COG6: variants seen among roughly 807,000 people sequenced by gnomAD.
COG6 encodes conserved oligomeric Golgi complex subunit 6.
A neutral mutation model predicts 88.8 loss-of-function variants in COG6; 74 were observed. The ratio of observed to expected loss-of-function variants is 0.83; its 90% CI spans 0.69 to 1.01. COG6 has a LOEUF of 1.01. Ranked by LOEUF, COG6 falls within the 50% of genes least tolerant of loss-of-function variation. The pLI is 0.00. For synonymous variants in COG6, 286 were observed against 278.7 expected (o/e 1.03, Z -0.26); for missense variants, 800 against 797.9 (o/e 1.00, Z -0.03).
intron 13 of COG6, among the ~76,000 whole-genome samples, chr13:39,713,431 GACTTCAAAAGAAATATAGACTT>G (rs1878349811): frequency 6.6e-6 from 1 of 152,046 alleles, no homozygotes; most frequent in South Asian, 2.1e-4. Flanking sequence ...GCATTGGAGG[GACTTCAAAAGAAATATAGACTT>G]GGCCAGGTGC....
chr13:39,691,040 A>T (rs1876949114), intron 11 of COG6, among the ~76,000 whole-genome samples: 1 of 151,828 alleles, frequency 6.6e-6, no homozygotes, highest in South Asian at 2.1e-4. Context: ...AGTAAATTTT[A>T]CTTTATCTGC....
At chr13:39,770,102 C>T (rs1445503031) in intron 18 of COG6, among the ~76,000 whole-genome samples, 1 of 152,138 alleles carries the variant, frequency 6.6e-6, no homozygotes, top group East Asian at 1.9e-4. Flanking sequence ...AAATCAATAT[C>T]GGGAAGTGAA....
At chr13:39,730,649 C>T (rs1326488008) in intron 18 of COG6, among the ~76,000 whole-genome samples, 1 of 150,854 alleles carries the variant, frequency 6.6e-6, no homozygotes, top group African/African-American at 2.4e-5. Context: ...TGGTGTGTGC[C>T]TGTATTCCCA....
rs186857876 is a variant in COG6 at position 39,787,732 on chromosome 13, A to G, written c.1827-603A>G. The stretch of plus-strand genomic sequence containing the variant: ...TTAGTTGAAAATATTTGGGAAAAAA[A>G]CAACAATACGACATTAAAACATTTT... On this transcript the variant is annotated intron_variant, in intron 18 of 18. Transcript: ENST00000416691. 9.6e-4 allele frequency among the ~76,000 whole-genome samples: 146 copies of G among 152,360 alleles called. 2 individuals carry two copies. The highest frequency in any genetic ancestry group is 3.1e-4 in the Non-Finnish European group (21 of 68,046).
exon 19 of COG6, chr13:39,790,989 T>A (rs1881922051): frequency 6.6e-6 from 1 of 152,074 alleles, no homozygotes; most frequent in Non-Finnish European, 1.5e-5. Flanking sequence ...CCACCTTAAA[T>A]TAAGAAAATG....
Position 39,788,628 on chromosome 13 carries a change from T to C in COG6, c.*272T>C, listed in dbSNP as rs1593491809. On this transcript the variant is annotated 3_prime_UTR_variant, in exon 19 of 19. Coordinates refer to the COG6 transcript ENST00000416691. Reference sequence around the variant, plus strand: ...TTGCTGTGTGGCTTAAATAAGTAAATGTATGCAAAGCACTAAAATGGTGTC... The same window carrying C: ...TTGCTGTGTGGCTTAAATAAGTAAACGTATGCAAAGCACTAAAATGGTGTC... The C allele has an allele frequency of 2.2e-5, 10 of 464,136 alleles. No homozygotes were observed. The East Asian group carries it at 3.3e-4, about 15-fold the overall frequency. The allele number at this position is 464,136 out of a possible 1,614,324, so 28.8% of individuals were successfully genotyped here. A position where few individuals can be genotyped will look rare whatever the true frequency, so the allele number is the denominator to read the frequency against.
At chr13:39,683,551 A>G (rs1876444310) in intron 8 of COG6, among the ~76,000 whole-genome samples, 1 of 152,196 alleles carries the variant, frequency 6.6e-6, no homozygotes, top group African/African-American at 2.4e-5. Flanking sequence ...TATACATAAG[A>G]TAAGTTAATG....
Position 39,714,621 on chromosome 13 carries a change from AC to A in COG6, c.1285-4613del, listed in dbSNP as rs200200086. On this transcript the variant is annotated intron_variant, in intron 13 of 18. Coordinates refer to ENST00000455146, the MANE Select transcript of COG6 (RefSeq NM_020751.3). ...CCATTATTAAAAAGTGAAAAAAAAA[AC>A]CATATTGATGTGGATATGGTGAAAG... is the stretch of plus-strand genomic sequence containing the variant. Among the ~76,000 whole-genome samples the A allele has an allele frequency of 4.6e-3, 704 of 152,216 alleles. 5 individuals are homozygous for A. The highest frequency in any genetic ancestry group is 0.016 in the African/African-American group (650 of 41,548).
chr13:39,721,759 T>TGGTAGTAA (rs1566195535), intron 15 of COG6, among the ~76,000 whole-genome samples: 2 of 152,062 alleles, frequency 1.3e-5, no homozygotes, highest in Non-Finnish European at 2.9e-5. Flanking sequence ...AATAACCTAT[T>TGGTAGTAA]ATTTTTTTCC....
rs114373330 is a variant in COG6, at chr13:39,708,054, C to G, written c.1284+8436C>G. Reference sequence around the variant, plus strand: ...CTCTCCAGTACGTGATGTTGTTAGTCTTTTTAATTTTAGGCATTGTAGAAA... The same window carrying G: ...CTCTCCAGTACGTGATGTTGTTAGTGTTTTTAATTTTAGGCATTGTAGAAA... On this transcript the variant is annotated intron_variant, in intron 13 of 18. Coordinates refer to ENST00000455146, the MANE Select transcript of COG6 (RefSeq NM_020751.3). Among the ~76,000 whole-genome samples the G allele has an allele frequency of 5.8e-3, 878 of 152,174 alleles. 7 individuals are homozygous for G. Among genetic ancestry groups the G allele is most frequent in the African/African-American group, 0.02 (836 of 41,526 alleles).
chr13:39,699,546 A>G lies in COG6; in HGVS notation c.1212A>G (p.Glu404=). Residue 404 remains glutamate (E), a synonymous_variant, in exon 13 of 19, where the codon GAA becomes GAG. Transcript: ENST00000455146. ...NSATALLTTI[E]EMHLLSKKIF... ...CAACTGCATTATTGACTACCATTGA[A>G]GAAATGCATTTGCTAAGCAAAAAAA... 1 of 1,598,186 alleles carries G rather than the reference A, an allele frequency of 6.3e-7. No individual in the cohort carries two copies. Among genetic ancestry groups the G allele is most frequent in the Non-Finnish European group, 8.6e-7 (1 of 1,166,540 alleles).
At chr13:39,695,273 A>G (rs539306102) in intron 12 of COG6, among the ~76,000 whole-genome samples, 2 of 151,956 alleles carry the variant, frequency 1.3e-5, no homozygotes, top group South Asian at 4.1e-4. Context: ...CATAACAGCA[A>G]CTTTATCTGA....
chr13:39,731,202 A>G (rs1879429487), intron 18 of COG6, among the ~76,000 whole-genome samples: 1 of 151,952 alleles, frequency 6.6e-6, no homozygotes. Flanking sequence ...ATCTATCTTC[A>G]TAGTTGCAAT....
chr13:39,715,687 G>GTATAT (rs1360332833), intron 13 of COG6, among the ~76,000 whole-genome samples: 5 of 151,890 alleles, frequency 3.3e-5, no homozygotes, highest in Non-Finnish European at 7.4e-5. Context: ...TCTATTAAAT[G>GTATAT]TATATTTATT....
At chr13:39,720,522 C>T (rs1593450161) in intron 15 of COG6, among the ~76,000 whole-genome samples, 1 of 152,050 alleles carries the variant, frequency 6.6e-6, no homozygotes, top group South Asian at 2.1e-4. Flanking sequence ...TTTGATATAT[C>T]TAAATTCATA....
chr13:39,660,851 C>G lies in COG6; in HGVS notation c.339C>G (p.Asn113Lys). Residue 113 changes from asparagine to lysine, a missense_variant, in exon 3 of 19, where the codon AAC (asparagine) becomes AAG (lysine). By Grantham distance (94) the Asn-to-Lys change is moderately conservative (BLOSUM62 0). Transcript: ENST00000455146. ...GCGAAGATGTTCAAGCAATGAGCAA[C>G]TGTTGTCAAGATATGACAAGTCGCC... is the stretch of plus-strand genomic sequence containing the variant. ...SISEDVQAMS[N>K]CCQDMTSRLQ... 6.2e-7 allele frequency: 1 copy of G among 1,610,628 alleles called. No individual in the cohort carries two copies. Among genetic ancestry groups the G allele is most frequent in the Non-Finnish European group, 8.5e-7 (1 of 1,177,434 alleles).
rs937730245 is a variant in COG6 at position 39,687,900 on chromosome 13, T to C, written c.1009+101T>C. On this transcript the variant is annotated intron_variant, in intron 10 of 18. Coordinates refer to ENST00000455146, the MANE Select transcript of COG6 (RefSeq NM_020751.3). ...CATCTTCTTCACTTAGATAAACACC[T>C]TGATGGTACAATAAGCATCCTGATT... 1.2e-4 allele frequency: 93 copies of C among 795,820 alleles called. No individual in the cohort carries two copies. The African/African-American group carries it at 1.4e-3, about 12-fold the overall frequency. The allele number at this position is 795,820 out of a possible 1,614,324, so 49.3% of individuals were successfully genotyped here.
Position 39,752,513 on chromosome 13 carries a change from A to T in COG6, c.*1420A>T. ...AAATCAAGAGCTTAAATTGTATATAATTTATTTCTACAGAGAAAGAAGATT... is the reference window on the plus strand; with the variant it reads ...AAATCAAGAGCTTAAATTGTATATATTTTATTTCTACAGAGAAAGAAGATT... On this transcript the variant is annotated 3_prime_UTR_variant, in exon 19 of 19. Coordinates refer to ENST00000455146, the MANE Select transcript of COG6 (RefSeq NM_020751.3). The T allele has an allele frequency of 1.7e-6, 2 of 1,178,278 alleles. No homozygotes were observed. Among genetic ancestry groups the T allele is most frequent in the Non-Finnish European group, 2.2e-6 (2 of 902,326 alleles). The allele number at this position is 1,178,278 out of a possible 1,614,324, so 73.0% of individuals were successfully genotyped here. A position where few individuals can be genotyped will look rare whatever the true frequency, so the allele number is the denominator to read the frequency against.
chr13:39,776,562 TGAAG>T (rs1881469673), intron 18 of COG6, among the ~76,000 whole-genome samples: 1 of 152,152 alleles, frequency 6.6e-6, no homozygotes, highest in Admixed American at 6.5e-5. Context: ...CTTTGGAAAA[TGAAG>T]GAGAACAAAT....
Sources: gnomAD v4.1 joint callset for allele counts (sites outside exome capture counted in the v4.1 genomes callset) on GRCh38, gnomAD v4.1.1 for gene constraint, MANE v1.5 for transcripts, NCBI Gene and HGNC (gene_info 2026-07-23, HGNC 2026-07-21) for gene names.